Variants in DHX8 observed in about 807,000 individuals in gnomAD.
DHX8 encodes the protein ATP-dependent RNA helicase DHX8.
Under a neutral mutation model 140.7 loss-of-function variants are expected in DHX8, and 67 were observed. That is an observed-to-expected ratio of 0.48 (90% confidence interval 0.39 to 0.58). DHX8 has a LOEUF of 0.58. Among genes scored for constraint, DHX8 ranks in the 20% least tolerant of loss-of-function variants. DHX8 has a pLI of 0.00. For synonymous variants in DHX8, 533 were observed against 553.2 expected (o/e 0.96, Z 0.51); for missense variants, 887 against 1,550.7 (o/e 0.57, Z 7.19).
At chr17:43,543,717 C>T (rs141928235) in intron 3 of DHX8, among the ~76,000 whole-genome samples, 5 of 152,270 alleles carry the variant, frequency 3.3e-5, no homozygotes, top group African/African-American at 9.6e-5. Context: ...CTTGCAGGGT[C>T]GGGGATGATG....
At chr17:43,529,175 C>A (rs765893929), downstream of DHX8, 2 of 1,613,932 alleles carry the variant, frequency 1.2e-6, no homozygotes, top group Non-Finnish European at 8.5e-7. Flanking sequence ...TCGGAGCGAG[C>A]GGCTCAGCTT....
At chr17:43,511,456 A>ATTCTTTTTTTTTTTTTT (rs1969821932) in intron 16 of DHX8, among the ~76,000 whole-genome samples, 1 of 56,790 alleles carries the variant, frequency 1.8e-5, no homozygotes, top group Non-Finnish European at 2.9e-5. Flanking sequence ...TGATCCCAGC[A>ATTCTTTTTTTTTTTTTT]TTTTTTTTTT....
In DHX8 at chr17:43,499,694, C is replaced by A. The variant is rs778009697; in HGVS notation, c.1399-262C>A. 3.3e-5 allele frequency among the ~76,000 whole-genome samples: 5 copies of A among 152,190 alleles called. No homozygotes were observed. In the East Asian group the frequency reaches 7.7e-4, roughly 23 times the overall value. ...TTATACCTTTCTTATGTCCTTCATACGTTTAAAGGTAGCACATCATTCCTA... is the reference window on the plus strand; with the variant it reads ...TTATACCTTTCTTATGTCCTTCATAAGTTTAAAGGTAGCACATCATTCCTA... On this transcript the variant is annotated intron_variant, in intron 10 of 22. Transcript: ENST00000262415.
chr17:43,520,632 G>A, intron 19 of DHX8, 119 bp from the exon 20 acceptor site: 2 of 1,167,392 alleles, frequency 1.7e-6, no homozygotes, highest in Non-Finnish European at 2.5e-6. Flanking sequence ...GGCATCCCAA[G>A]GCATCATTAT....
In DHX8 at chr17:43,522,120, C is replaced by T; in HGVS notation, c.3337C>T (p.Arg1113Cys). The T allele has an allele frequency of 1.2e-6, 2 of 1,614,096 alleles. No homozygotes were observed. Among genetic ancestry groups the T allele is most frequent in the Non-Finnish European group, 8.5e-7 (1 of 1,180,010 alleles). The change falls in exon 22 of 23, where the codon CGT (arginine) becomes TGT (cysteine). Residue 1113 changes from arginine to cysteine, a missense_variant. This residue lies in a region of DHX8 where 101 missense variants were observed against 168.2 expected (regional missense o/e 0.60). Coordinates refer to ENST00000262415, the MANE Select transcript of DHX8 (RefSeq NM_004941.3). ...GAAGGCCATCTGCAGTGGGTTCTTC[C>T]GTAATGCTGCCAAGAAAGACCCGCA... ...VQKAICSGFF[R>C]NAAKKDPQEG... is the part of the protein sequence containing the mutation.
downstream of DHX8, among the ~76,000 whole-genome samples, chr17:43,530,607 C>CGT (rs1414343747): frequency 4.5e-3 from 628 of 138,708 alleles, 5 homozygotes; most frequent in Admixed American, 0.018. Flanking sequence ...TGTGCACGCG[C>CGT]GCGTGTGTGT....
At chr17:43,526,685 C>G (rs1970631046), downstream of DHX8, 1 of 1,517,440 alleles carries the variant, frequency 6.6e-7, no homozygotes, top group South Asian at 1.2e-5. Flanking sequence ...AACTCCCTCT[C>G]TCTTCGTGTG....
At chr17:43,507,403 CTTAAGA>C in intron 13 of DHX8, 94 bp from the exon 14 acceptor site, 1 of 1,221,028 alleles carries the variant, frequency 8.2e-7, no homozygotes, top group Non-Finnish European at 1.1e-6. Context: ...TGATCAGATT[CTTAAGA>C]TTATGAGTGA....
At chr17:43,537,796 C>T (rs1971322054) in intron 3 of DHX8, among the ~76,000 whole-genome samples, 1 of 152,062 alleles carries the variant, frequency 6.6e-6, no homozygotes, top group Admixed American at 6.6e-5. Context: ...AGTTTGAGAC[C>T]AGCCTGACCA....
At chr17:43,532,903 G>T in intron 2 of DHX8, 1 of 1,594,504 alleles carries the variant, frequency 6.3e-7, no homozygotes, top group Non-Finnish European at 8.6e-7. Flanking sequence ...GAGATGTGAA[G>T]GAGTGGCAAA....
chr17:43,538,791 C>T (rs112819304), intron 3 of DHX8, among the ~76,000 whole-genome samples: 116 of 152,132 alleles, frequency 7.6e-4, no homozygotes, highest in African/African-American at 2.7e-3. Flanking sequence ...ACCTGTAGCC[C>T]GAGGAGGCTG....
rs750586399 is a variant in DHX8, at chr17:43,492,224, C to G, written c.435C>G (p.Val145=). 2.5e-5 allele frequency: 41 copies of G among 1,613,924 alleles called. 1 individual carries two copies. The South Asian group carries it at 3.8e-4, about 15-fold the overall frequency. ...ATGATGTGAAAGTTGCTGTGGATGT[C>G]CTGAAAGAACTGGAAGCTTTAATGC... The part of the protein sequence containing the change: ...DEDDVKVAVD[V]LKELEALMPS... The change falls in exon 5 of 23, where the codon GTC becomes GTG. Residue 145 remains valine (V), a synonymous_variant. Coordinates refer to ENST00000262415, the MANE Select transcript of DHX8 (RefSeq NM_004941.3).
chr17:43,526,312 C>G (rs996263915), downstream of DHX8: 2 of 1,418,650 alleles, frequency 1.4e-6, no homozygotes, highest in African/African-American at 1.4e-5. Flanking sequence ...TGTTCACCCC[C>G]ACCCCGCGAG....
intron 1 of DHX8, among the ~76,000 whole-genome samples, chr17:43,485,800 ATCT>A (rs1322302146): frequency 2.6e-5 from 4 of 152,268 alleles, no homozygotes; most frequent in Non-Finnish European, 4.4e-5. Flanking sequence ...AAACTTCATA[ATCT>A]TTTAGTTTAT....
Position 43,513,382 on chromosome 17 carries a change from C to T in DHX8, c.2523C>T (p.Ile841=), listed in dbSNP as rs200246684. ...TGCAGGTTGTGATTGCCACCAATAT[C>T]GCAGAGACATCGCTGACTATTGATG... The part of the protein sequence containing the change: ...GSRKVVIATN[I]AETSLTIDGI... The change falls in exon 17 of 23, where the codon ATC becomes ATT. Residue 841 remains isoleucine (I), a synonymous_variant. Transcript: ENST00000262415. The T allele has an allele frequency of 1.7e-5, 27 of 1,613,430 alleles. No individual in the cohort carries two copies. The East Asian group carries it at 5.4e-4, about 32-fold the overall frequency.
At chr17:43,510,698 T>G (rs1474385214) in intron 16 of DHX8, among the ~76,000 whole-genome samples, 1 of 152,214 alleles carries the variant, frequency 6.6e-6, no homozygotes, top group Non-Finnish European at 1.5e-5. Context: ...TTCACAGAAT[T>G]GTGCAGCCAT....
chr17:43,518,278 A>G (rs1970209212), intron 18 of DHX8: 2 of 152,362 alleles, frequency 1.3e-5, no homozygotes, highest in South Asian at 4.1e-4. Context: ...ATGAGAAAGA[A>G]ATAGAAAGCT....
intron 16 of DHX8, 101 bp from the exon 17 acceptor site, chr17:43,513,261 C>A (rs1969941058): frequency 1.5e-6 from 2 of 1,294,960 alleles, no homozygotes; most frequent in African/African-American, 1.5e-5. Flanking sequence ...AGAGAGATAG[C>A]CACATATTCC....
Position 43,522,839 on chromosome 17 carries a change from G to T in DHX8, c.3443+613G>T, listed in dbSNP as rs180865316. The stretch of plus-strand genomic sequence containing the variant: ...AGCACTTTGGGAGGCCGAGGCAGGT[G>T]GATCACCAGAGGTCAGGAATTCCAG... On this transcript the variant is annotated intron_variant, in intron 22 of 22. Transcript: ENST00000262415. Among the ~76,000 whole-genome samples the T allele has an allele frequency of 5.3e-5, 8 of 150,520 alleles. No individual in the cohort carries two copies. In the East Asian group the frequency reaches 1.4e-3, roughly 26 times the overall value.
Sources: allele counts gnomAD v4.1 joint callset (sites outside exome capture counted in the v4.1 genomes callset), GRCh38; gene constraint gnomAD v4.1.1; regional missense constraint gnomAD v4.1.1; transcripts MANE v1.5; gene names NCBI Gene and HGNC (gene_info 2026-07-23, HGNC 2026-07-21).